NRXN2: variants seen among roughly 807,000 people sequenced by gnomAD.
The protein encoded by NRXN2 is neurexin-2-beta.
A neutral mutation model predicts 128.8 loss-of-function variants in NRXN2; 29 were observed. The observed-to-expected ratio is 0.23, with a 90% CI of 0.17 to 0.31. The LOEUF is 0.31. NRXN2 is among the 10% of genes least tolerant of loss of function. The pLI is 1.00. For synonymous variants in NRXN2, 1,098 were observed against 1,075.2 expected, an observed-to-expected ratio of 1.02 and a Z score of -0.41; for missense variants, 1,881 against 2,452.6, an observed-to-expected ratio of 0.77 and a Z score of 4.92.
chr11:64,649,726 G>A (rs1447001389), intron 15 of NRXN2, among the ~76,000 whole-genome samples: 2 of 152,166 alleles, frequency 1.3e-5, no homozygotes, highest in Non-Finnish European at 2.9e-5. Flanking sequence ...TATGAGGCAG[G>A]CTGATGCCCA....
chr11:64,713,537 A>G lies in NRXN2; in HGVS notation c.163T>C (p.Phe55Leu), dbSNP rs748532027. The change falls in exon 2 of 23, where the codon TTC becomes CTC. Residue 55 changes from phenylalanine to leucine, a missense_variant. Phe to Leu is a conservative substitution (Grantham distance 22). This residue lies in a region of NRXN2 where 997 missense variants were observed against 1,240.8 expected (regional missense o/e 0.80). Transcript: ENST00000265459. ...CGCGTGGCGTTGGTGCGCAGGCTGA[A>G]GCTGAGCTCGCCGCTGCTCGCCGCG... Reference protein sequence around the residue: ...AGAASSGELSFSLRTNATRAL... With the variant: ...AGAASSGELSLSLRTNATRAL... The G allele has an allele frequency of 4.1e-6, 6 of 1,476,634 alleles. No homozygotes were observed. The highest frequency in any genetic ancestry group is 2.3e-5 in the Admixed American group (1 of 44,264). The allele number at this position is 1,476,634 out of a possible 1,614,324, so 91.5% of individuals were successfully genotyped here.
rs529696473 is a variant in NRXN2, at chr11:64,658,690, C to G, written c.2389+1642G>C. Among the ~76,000 whole-genome samples, 4 of 152,360 alleles carry G rather than the reference C, an allele frequency of 2.6e-5. No individual in the cohort carries two copies. In the South Asian group the frequency reaches 8.3e-4, roughly 32 times the overall value. ...GGCCACAGTCTGTCCCACAAATGCC[C>G]CGGAGACCAATGTTAGGATGAGACT... On this transcript the variant is annotated intron_variant, in intron 11 of 22. Transcript: ENST00000265459.
intron 5 of NRXN2, among the ~76,000 whole-genome samples, 194 bp from the exon 6 acceptor site, chr11:64,686,141 C>G (rs1160523691): frequency 1.3e-5 from 2 of 152,122 alleles, no homozygotes; most frequent in Admixed American, 1.3e-4. Flanking sequence ...TCTCTGCTGT[C>G]AAAAGTCAAT....
chr11:64,722,470 G>T (rs2057458821), intron 1 of NRXN2, among the ~76,000 whole-genome samples: 1 of 151,654 alleles, frequency 6.6e-6, no homozygotes. Context: ...GTCCTCAGTG[G>T]GTCCCCTCAG....
intron 22 of NRXN2, among the ~76,000 whole-genome samples, chr11:64,613,579 T>G (rs988856096): frequency 1.3e-5 from 2 of 152,110 alleles, no homozygotes; most frequent in East Asian, 1.9e-4. Context: ...AAACCACAAG[T>G]TGAAAATGGA....
intron 22 of NRXN2, among the ~76,000 whole-genome samples, chr11:64,608,434 TAAAC>T (rs1216163036): frequency 6.6e-6 from 1 of 150,712 alleles, no homozygotes; most frequent in African/African-American, 2.4e-5. Context: ...CAGCAGCATT[TAAAC>T]AAACCTAACA....
intron 17 of NRXN2, among the ~76,000 whole-genome samples, chr11:64,645,331 G>A (rs1379124236): frequency 6.6e-6 from 1 of 152,118 alleles, no homozygotes; most frequent in African/African-American, 2.4e-5. Flanking sequence ...GGGGGGCCAA[G>A]GCTGAGAAGG....
chr11:64,634,299 A>C (rs1422379531), intron 18 of NRXN2, among the ~76,000 whole-genome samples: 1 of 152,184 alleles, frequency 6.6e-6, no homozygotes. Context: ...GTACAGATGA[A>C]GACTGAGGGC....
intron 3 of NRXN2, 107 bp downstream of exon 3, chr11:64,697,668 C>CT: frequency 7.3e-7 from 1 of 1,369,504 alleles, no homozygotes; most frequent in South Asian, 1.2e-5. Flanking sequence ...CGGAGAGGCC[C>CT]TAAACATGGC....
intron 18 of NRXN2, among the ~76,000 whole-genome samples, chr11:64,634,104 C>T (rs190997160): frequency 6.6e-6 from 1 of 152,270 alleles, no homozygotes; most frequent in Admixed American, 6.5e-5. Context: ...CAAGCCTCTC[C>T]CCTGGCTTCC....
chr11:64,654,094 CCT>C (rs759320731), intron 11 of NRXN2, among the ~76,000 whole-genome samples: 133 of 152,312 alleles, frequency 8.7e-4, no homozygotes, highest in African/African-American at 1.8e-3. Context: ...CCACATCTCC[CCT>C]GTCTCTGGGA....
intron 6 of NRXN2, among the ~76,000 whole-genome samples, chr11:64,685,284 G>A (rs181946616): frequency 6.6e-6 from 1 of 152,130 alleles, no homozygotes; most frequent in African/African-American, 2.4e-5. Flanking sequence ...ACCCATTCAG[G>A]CACTGGCTCA....
chr11:64,711,413 A>C (rs2056875644), intron 2 of NRXN2, among the ~76,000 whole-genome samples: 1 of 152,132 alleles, frequency 6.6e-6, no homozygotes, highest in East Asian at 1.9e-4. Context: ...CCCCAGACCG[A>C]TGGGGGAGCC....
intron 2 of NRXN2, among the ~76,000 whole-genome samples, chr11:64,711,679 C>T (rs1037280160): frequency 4.6e-5 from 7 of 152,138 alleles, no homozygotes; most frequent in Admixed American, 4.6e-4. Context: ...GGTCCCACCT[C>T]GCCCTGTCCA....
chr11:64,660,646 G>C lies in NRXN2; in HGVS notation c.2185+107C>G, dbSNP rs1305898612. On this transcript the variant is annotated intron_variant, in intron 10 of 22. Coordinates refer to ENST00000265459, the MANE Select transcript of NRXN2 (RefSeq NM_015080.4). The surrounding 1 kb of genome is among the most constrained non-coding windows in gnomAD (Gnocchi z 5.2). ...AAAAGCCTAGGGCAGGTCTATGAGGGGTTCCCCTAGGAGGAGGTGGCACAG... is the reference window on the plus strand; with the variant it reads ...AAAAGCCTAGGGCAGGTCTATGAGGCGTTCCCCTAGGAGGAGGTGGCACAG... 2 of 1,588,154 alleles carry C rather than the reference G, an allele frequency of 1.3e-6. No individual in the cohort carries two copies. Among genetic ancestry groups the C allele is most frequent in the African/African-American group, 2.7e-5 (2 of 74,510 alleles).
intron 5 of NRXN2, among the ~76,000 whole-genome samples, chr11:64,687,113 G>A (rs1423770961): frequency 6.6e-6 from 1 of 152,222 alleles, no homozygotes; most frequent in Non-Finnish European, 1.5e-5. Context: ...CAGGTGCAGG[G>A]CAAACAACAC....
intron 21 of NRXN2, among the ~76,000 whole-genome samples, chr11:64,621,820 C>T (rs2042390359): frequency 6.6e-6 from 1 of 152,190 alleles, no homozygotes; most frequent in African/African-American, 2.4e-5. Context: ...GAGGCAACAA[C>T]TAGAAAACAG....
chr11:64,627,254 C>T (rs529408121), intron 19 of NRXN2, among the ~76,000 whole-genome samples: 3 of 152,142 alleles, frequency 2.0e-5, no homozygotes, highest in Non-Finnish European at 1.5e-5. Flanking sequence ...AAGGCCTCCT[C>T]ACCCTGGTCA....
chr11:64,690,352 A>G, intron 5 of NRXN2, 53 bp downstream of exon 5: 1 of 1,531,962 alleles, frequency 6.5e-7, no homozygotes, highest in Non-Finnish European at 9.0e-7. Context: ...AAGCACAGTT[A>G]GCCTGCAGCA....
Sources: gnomAD v4.1 joint callset for allele counts (sites outside exome capture counted in the v4.1 genomes callset) on GRCh38, gnomAD v4.1.1 for gene constraint, gnomAD v4.1.1 regional missense constraint, Gnocchi (gnomAD v3.1) non-coding constraint, MANE v1.5 for transcripts, NCBI Gene and HGNC (gene_info 2026-07-23, HGNC 2026-07-21) for gene names.